Variants in UBR1 observed in about 807,000 individuals in gnomAD.
The protein encoded by UBR1 is E3 ubiquitin-protein ligase UBR1.
A neutral mutation model predicts 242.1 loss-of-function variants in UBR1; 102 were observed. The ratio of observed to expected loss-of-function variants is 0.42; its 90% CI spans 0.36 to 0.50. The LOEUF (loss-of-function observed/expected upper bound fraction) is 0.50, where lower values mean the gene tolerates loss of function less well. UBR1 is among the 20% of genes least tolerant of loss of function. UBR1 has a pLI of 0.01. For synonymous variants in UBR1, 675 were observed against 684.8 expected (o/e 0.99, Z 0.22); for missense variants, 1,772 against 2,101.8 (o/e 0.84, Z 3.07).
chr15:42,985,274 A>C (rs1203518229), intron 35 of UBR1, among the ~76,000 whole-genome samples: 1 of 152,196 alleles, frequency 6.6e-6, no homozygotes, highest in Non-Finnish European at 1.5e-5. Flanking sequence ...TAAAATAAGT[A>C]ATTTATATAT....
intron 29 of UBR1, among the ~76,000 whole-genome samples, chr15:43,012,427 T>C (rs1054926925): frequency 3.3e-5 from 5 of 152,122 alleles, no homozygotes; most frequent in South Asian, 2.1e-4. Context: ...CAATGATAAT[T>C]TGTAATCATG....
At chr15:43,066,488 A>T (rs541285918) in intron 6 of UBR1, among the ~76,000 whole-genome samples, 1 of 152,110 alleles carries the variant, frequency 6.6e-6, no homozygotes, top group Non-Finnish European at 1.5e-5. Flanking sequence ...GTTTTTTCTA[A>T]TTCTGTGAAG....
intron 10 of UBR1, 145 bp downstream of exon 10, chr15:43,058,196 C>T (rs2033641566): frequency 3.1e-6 from 2 of 638,582 alleles, no homozygotes; most frequent in Non-Finnish European, 5.4e-6. Context: ...AGGCGTGAGC[C>T]AACCCGCAGG....
chr15:42,986,809 C>T (rs1469863198), intron 35 of UBR1, among the ~76,000 whole-genome samples: 1 of 152,316 alleles, frequency 6.6e-6, no homozygotes, highest in Admixed American at 6.5e-5. Context: ...TGGGAGGCCA[C>T]GCCACGGCAG....
chr15:43,045,031 T>C (rs559498679), intron 14 of UBR1, among the ~76,000 whole-genome samples: 132 of 152,320 alleles, frequency 8.7e-4, no homozygotes, highest in African/African-American at 3.0e-3. Flanking sequence ...ATGTTGAACA[T>C]ATAGAAAACA....
intron 14 of UBR1, among the ~76,000 whole-genome samples, chr15:43,046,932 C>T (rs941430392): frequency 2.0e-5 from 3 of 152,086 alleles, no homozygotes; most frequent in African/African-American, 7.2e-5. Flanking sequence ...CATACATACA[C>T]ATGTATAAAC....
chr15:43,044,674 C>T (rs1327337561), intron 14 of UBR1, among the ~76,000 whole-genome samples: 2 of 152,090 alleles, frequency 1.3e-5, no homozygotes, highest in Non-Finnish European at 2.9e-5. Flanking sequence ...GGGCAGATCA[C>T]GAGGTCAGGA....
chr15:42,951,809 G>A (rs933386210), intron 45 of UBR1, among the ~76,000 whole-genome samples: 8 of 151,574 alleles, frequency 5.3e-5, no homozygotes, highest in Non-Finnish European at 5.9e-5. Flanking sequence ...TGGGGGTCTC[G>A]CCTTGCTGCC....
chr15:43,045,810 G>A (rs577986455), intron 14 of UBR1, among the ~76,000 whole-genome samples: 24 of 152,188 alleles, frequency 1.6e-4, no homozygotes, highest in Admixed American at 3.9e-4. Context: ...CAGGCAGAAG[G>A]CACTAGAAAA....
intron 33 of UBR1, among the ~76,000 whole-genome samples, chr15:42,991,517 G>A (rs534648674): frequency 4.0e-5 from 6 of 151,766 alleles, no homozygotes; most frequent in African/African-American, 1.5e-4. Context: ...CCAAATTTGG[G>A]AAATTTTCAA....
intron 1 of UBR1, among the ~76,000 whole-genome samples, chr15:43,086,950 C>T (rs1049552746): frequency 1.3e-4 from 20 of 152,144 alleles, no homozygotes; most frequent in African/African-American, 4.3e-4. Context: ...AAGGCTGTAG[C>T]GTGTGCCTGT....
At chr15:42,983,379 C>G (rs35326878) in intron 37 of UBR1, among the ~76,000 whole-genome samples, 19,093 of 151,704 alleles carry the variant, frequency 0.13, 1,365 homozygotes, top group South Asian at 0.23. Context: ...TCATGAAGGC[C>G]AGGAGTGGTG....
chr15:43,085,695 C>G (rs1053574308), intron 2 of UBR1, among the ~76,000 whole-genome samples: 21 of 151,938 alleles, frequency 1.4e-4, no homozygotes, highest in Non-Finnish European at 2.9e-5. Context: ...ACCAGCCTAG[C>G]CAACATGGTG....
rs1017138734 is a variant in UBR1 at position 43,003,899 on chromosome 15, G to A, written c.3447C>T (p.Asp1149=). The part of the protein sequence containing the change: ...EALDPLFMDP[D]LAYGTYTGSC... ...TTCCTGTATAAGTTCCATATGCCAA[G>A]TCTGGATCCATGAAAAGTGGGTCTA... The change falls in exon 31 of 47, where the codon GAC becomes GAT. Residue 1149 remains aspartate, a synonymous_variant. Transcript: ENST00000290650. 1.2e-6 allele frequency: 2 copies of A among 1,613,952 alleles called. No individual in the cohort carries two copies. Among genetic ancestry groups the A allele is most frequent in the Admixed American group, 3.3e-5 (2 of 59,988 alleles).
intron 1 of UBR1, among the ~76,000 whole-genome samples, chr15:43,096,551 T>G (rs896808465): frequency 6.6e-6 from 1 of 152,220 alleles, no homozygotes; most frequent in Non-Finnish European, 1.5e-5. Flanking sequence ...TGATAGCATG[T>G]TACCAATGGC....
intron 29 of UBR1, among the ~76,000 whole-genome samples, chr15:43,014,613 G>A (rs1254530052): frequency 2.7e-5 from 4 of 149,416 alleles, no homozygotes; most frequent in Admixed American, 2.0e-4. Flanking sequence ...CAGCCGCCCC[G>A]TCTGAGAAGT....
At chr15:42,963,346 A>G (rs1347385759) in intron 42 of UBR1, among the ~76,000 whole-genome samples, 1 of 152,202 alleles carries the variant, frequency 6.6e-6, no homozygotes, top group African/African-American at 2.4e-5. Context: ...AAAGCAATAC[A>G]GTGAGAGCTG....
intron 30 of UBR1, among the ~76,000 whole-genome samples, chr15:43,005,030 A>AC (rs1418648892): frequency 7.7e-6 from 1 of 130,022 alleles, no homozygotes; most frequent in African/African-American, 3.0e-5. Flanking sequence ...CCCAGCCGCG[A>AC]CCCCGTCTGG....
rs538548969 is a variant in UBR1, at chr15:43,056,148, G to C, written c.1281+196C>G. ...CTAGAAAGTAAGAAACCAGCTCTAG[G>C]TGTCATCTGCATTGACGAGGACATC... On this transcript the variant is annotated intron_variant, in intron 11 of 46. Coordinates refer to ENST00000290650, the MANE Select transcript of UBR1 (RefSeq NM_174916.3). 2.6e-5 allele frequency among the ~76,000 whole-genome samples: 4 copies of C among 152,284 alleles called. No homozygotes were observed. In the East Asian group the frequency reaches 5.8e-4, roughly 22 times the overall value.
Sources: allele counts gnomAD v4.1 joint callset (sites outside exome capture counted in the v4.1 genomes callset), GRCh38; gene constraint gnomAD v4.1.1; transcripts MANE v1.5; gene names NCBI Gene and HGNC (gene_info 2026-07-23, HGNC 2026-07-21).